SLC39A1: variants seen among roughly 807,000 people sequenced by gnomAD.
The protein encoded by SLC39A1 is zinc transporter ZIP1.
SLC39A1 carries 17 observed loss-of-function variants against 21.4 expected under a neutral mutation model. That is an observed-to-expected ratio of 0.79 (90% CI 0.54 to 1.19). The LOEUF (loss-of-function observed/expected upper bound fraction) is 1.19, where lower values mean the gene tolerates loss of function less well. Ranked by LOEUF, SLC39A1 falls within the 50% of genes most tolerant of loss-of-function variation. The probability of loss-of-function intolerance (pLI) is 0.00; values close to 1 mark genes in which losing one functional copy is unlikely to be tolerated. For synonymous variants in SLC39A1, 183 were observed against 185.9 expected (o/e 0.98, Z 0.13); for missense variants, 343 against 399.8 (o/e 0.86, Z 1.21).
Position 153,960,053 on chromosome 1 carries a change from G to A in SLC39A1, c.*45C>T. ...CAACTGGGGGAGGGAAGGGAGAACAGGGGCACCTGATCATCAATCTCCCCT... is the reference window on the plus strand; with the variant it reads ...CAACTGGGGGAGGGAAGGGAGAACAAGGGCACCTGATCATCAATCTCCCCT... On this transcript the variant is annotated 3_prime_UTR_variant, in exon 4 of 4. Transcript: ENST00000356205. 1 of 1,541,970 alleles carries A rather than the reference G, an allele frequency of 6.5e-7. No homozygotes were observed. The highest frequency in any genetic ancestry group is 8.8e-7 in the Non-Finnish European group (1 of 1,140,990).
intron 3 of SLC39A1, 57 bp downstream of exon 3, chr1:153,962,163 A>AC (rs1448401458): frequency 6.3e-7 from 1 of 1,574,998 alleles, no homozygotes; most frequent in Non-Finnish European, 8.6e-7. Flanking sequence ...ACAAACCAAC[A>AC]CTCCCAGAGG....
chr1:153,963,723 G>C (rs1647636124), upstream of SLC39A1: 1 of 153,762 alleles, frequency 6.5e-6, no homozygotes, highest in South Asian at 2.0e-4. Context: ...GTGAGCGAGA[G>C]CAAGAGCGGA....
At chr1:153,960,906 G>A (rs1647369265) in intron 3 of SLC39A1, 152 bp from the exon 4 acceptor site, 5 of 689,704 alleles carry the variant, frequency 7.2e-6, no homozygotes, top group South Asian at 1.9e-5. Context: ...CACTGACACA[G>A]AATGATACGT....
Position 153,959,745 on chromosome 1 carries a change from C to G in SLC39A1, c.*353G>C. 1 of 308,006 alleles carries G rather than the reference C, an allele frequency of 3.2e-6. No homozygotes were observed. Among genetic ancestry groups the G allele is most frequent in the East Asian group, 6.3e-5 (1 of 15,908 alleles). 19.1% of individuals were successfully genotyped at this position (308,006 alleles called of 1,614,324 possible). ...TCTAGGTTTATGACCTGTCCATACC[C>G]GTTCCACAGCAGCTGGGTACCCACC... On this transcript the variant is annotated 3_prime_UTR_variant, in exon 4 of 4. Transcript: ENST00000356205.
At chr1:153,964,297 C>G (rs577507027), upstream of SLC39A1, 2 of 152,284 alleles carry the variant, frequency 1.3e-5, no homozygotes, top group South Asian at 2.1e-4. Context: ...CCACCCTCGC[C>G]GGTCGGTTTG....
At chr1:153,965,681 G>A (rs548560591), upstream of SLC39A1, among the ~76,000 whole-genome samples, 2 of 151,936 alleles carry the variant, frequency 1.3e-5, no homozygotes, top group East Asian at 3.9e-4. Context: ...TGCCTCCCAG[G>A]TTTCAAGCAA....
Position 153,960,761 on chromosome 1 carries a change from G to T in SLC39A1, c.319-7C>A, listed in dbSNP as rs548272271. On this transcript the variant is annotated splice_polypyrimidine_tract_variant and splice_region_variant and intron_variant, in intron 3 of 3. Transcript: ENST00000356205. ...CTTGCAGTGGGAACTGGAGCTGTGG[G>T]CAGAAGCAGCAGCAAAATGTTCAGG... 15 of 1,597,940 alleles carry T rather than the reference G, an allele frequency of 9.4e-6. No individual in the cohort carries two copies. The African/African-American group carries it at 1.7e-4, about 19-fold the overall frequency.
At position 153,962,201 on chromosome 1, in the gene SLC39A1, T is replaced by G; in HGVS notation, c.318+19A>C. 1 of 1,609,100 alleles carries G rather than the reference T, an allele frequency of 6.2e-7. No individual in the cohort carries two copies. Among genetic ancestry groups the G allele is most frequent in the East Asian group, 2.2e-5 (1 of 44,792 alleles). On this transcript the variant is annotated intron_variant, in intron 3 of 3. Coordinates refer to ENST00000356205, the MANE Select transcript of SLC39A1 (RefSeq NM_001271958.2). Reference sequence around the variant, plus strand: ...TGTGATTCCCCTCCCGCAAGTCACATGCCCAGGCCAGTGCTCACCGTCACG... The same window carrying G: ...TGTGATTCCCCTCCCGCAAGTCACAGGCCCAGGCCAGTGCTCACCGTCACG...
chr1:153,959,550 T>C lies in SLC39A1; in HGVS notation c.*548A>G. ...TTAAAAATAGAGGAGTAAGCAGGAC[T>C]GGAGAGGCCAGAGAAGATACCAAAA... is the stretch of plus-strand genomic sequence containing the variant. On this transcript the variant is annotated 3_prime_UTR_variant, in exon 4 of 4. Coordinates refer to ENST00000356205, the MANE Select transcript of SLC39A1 (RefSeq NM_001271958.2). The C allele has an allele frequency of 2.9e-6, 1 of 346,836 alleles. No homozygotes were observed. Among genetic ancestry groups the C allele is most frequent in the Non-Finnish European group, 5.2e-6 (1 of 193,528 alleles). 21.5% of individuals were successfully genotyped at this position (346,836 alleles called of 1,614,324 possible).
chr1:153,959,795 C>G lies in SLC39A1; in HGVS notation c.*303G>C. On this transcript the variant is annotated 3_prime_UTR_variant, in exon 4 of 4. Transcript: ENST00000356205. ...CTCCAGCCTCCCATGTGAGCCTGTC[C>G]TTATGTATAGTGTCCAACCTCTGAT... The G allele has an allele frequency of 5.3e-6, 2 of 376,266 alleles. No homozygotes were observed. Among genetic ancestry groups the G allele is most frequent in the Non-Finnish European group, 9.7e-6 (2 of 205,578 alleles). The allele number at this position is 376,266 out of a possible 1,614,324, so 23.3% of individuals were successfully genotyped here.
At chr1:153,961,917 G>A (rs1230069522) in intron 3 of SLC39A1, among the ~76,000 whole-genome samples, 1 of 152,150 alleles carries the variant, frequency 6.6e-6, no homozygotes, top group East Asian at 1.9e-4. Context: ...TGGTGAGAGA[G>A]TGAAGATGAT....
At chr1:153,960,837 AG>A in intron 3 of SLC39A1, 83 bp from the exon 4 acceptor site, 2 of 1,331,888 alleles carry the variant, frequency 1.5e-6, no homozygotes, top group Non-Finnish European at 1.0e-6. Flanking sequence ...ACACAGACCT[AG>A]GGTCTGACAC....
At chr1:153,962,152 C>A in intron 3 of SLC39A1, 68 bp downstream of exon 3, 1 of 1,566,704 alleles carries the variant, frequency 6.4e-7, no homozygotes, top group Non-Finnish European at 8.7e-7. Flanking sequence ...AATCAATCTC[C>A]ACAAACCAAC....
chr1:153,964,577 G>A (rs994496319), upstream of SLC39A1: 1 of 152,164 alleles, frequency 6.6e-6, no homozygotes, highest in Non-Finnish European at 1.5e-5. Context: ...AAAAAGGGGG[G>A]ACAGTGTAAT....
At chr1:153,964,731 G>C (rs1012015779), upstream of SLC39A1, 1 of 151,894 alleles carries the variant, frequency 6.6e-6, no homozygotes, top group Non-Finnish European at 1.5e-5. Context: ...CCTGAGGACA[G>C]AAGTTCAAGA....
upstream of SLC39A1, among the ~76,000 whole-genome samples, chr1:153,963,880 T>G (rs1383821568): frequency 6.6e-6 from 1 of 152,248 alleles, no homozygotes; most frequent in African/African-American, 2.4e-5. Context: ...CCGGCCCACA[T>G]CTGAAAACAT....
chr1:153,965,964 A>G (rs187129147), upstream of SLC39A1, among the ~76,000 whole-genome samples: 2 of 152,074 alleles, frequency 1.3e-5, no homozygotes, highest in Non-Finnish European at 2.9e-5. Context: ...AGTTTGATAA[A>G]TCAGGGGCAA....
chr1:153,960,663 G>A lies in SLC39A1; in HGVS notation c.410C>T (p.Ser137Leu), dbSNP rs865960215. 4 of 1,614,178 alleles carry A rather than the reference G, an allele frequency of 2.5e-6. No homozygotes were observed. The highest frequency in any genetic ancestry group is 3.4e-6 in the Non-Finnish European group (4 of 1,180,054). ...EQITLAYKEQ[S>L]GPSPLEETRA... ...TGTTTCCTCCAGAGGTGACGGCCCTGACTGCTCCTTGTAAGCCAGTGTGAT... is the reference window on the plus strand; with the variant it reads ...TGTTTCCTCCAGAGGTGACGGCCCTAACTGCTCCTTGTAAGCCAGTGTGAT... The change falls in exon 4 of 4, where the codon TCA (serine) becomes TTA (leucine). Residue 137 changes from serine to leucine, a missense_variant. Coordinates refer to ENST00000356205, the MANE Select transcript of SLC39A1 (RefSeq NM_001271958.2).
In SLC39A1 at chr1:153,960,608, C is replaced by G. The variant is rs767062795; in HGVS notation, c.465G>C (p.Gly155=). The change falls in exon 4 of 4, where the codon GGG becomes GGC. Residue 155 remains glycine (G), a synonymous_variant. Coordinates refer to ENST00000356205, the MANE Select transcript of SLC39A1 (RefSeq NM_001271958.2). ...CTGGCCCATCATGCCAATGCTGCGG[C>G]CCACCATTCACTGTTCCCAGCAGAG... ...TRALLGTVNG[G]PQHWHDGPGV... 1.2e-6 allele frequency: 2 copies of G among 1,614,098 alleles called. No homozygotes were observed. Among genetic ancestry groups the G allele is most frequent in the African/African-American group, 2.7e-5 (2 of 74,948 alleles).
Sources: allele counts gnomAD v4.1 joint callset (sites outside exome capture counted in the v4.1 genomes callset), GRCh38; gene constraint gnomAD v4.1.1; transcripts MANE v1.5; gene names NCBI Gene and HGNC (gene_info 2026-07-23, HGNC 2026-07-21).